Variants in SLC24A2 observed in about 807,000 individuals in gnomAD.
SLC24A2 encodes solute carrier family 24 member 2.
SLC24A2 carries 36 observed loss-of-function variants against 62.0 expected under a neutral mutation model. That is an observed-to-expected ratio of 0.58 (90% CI 0.44 to 0.77). SLC24A2 has a LOEUF of 0.77. Ranked by LOEUF, SLC24A2 falls within the 30% of genes least tolerant of loss-of-function variation. The pLI, the probability that SLC24A2 is intolerant of heterozygous loss-of-function variation, is 0.00. For missense variants in SLC24A2, 846 were observed against 817.9 expected (o/e 1.03, Z -0.42); for synonymous variants, 358 against 294.0 (o/e 1.22, Z -2.23).
At chr9:19,684,425 G>C (rs149654019) in intron 2 of SLC24A2, among the ~76,000 whole-genome samples, 1 of 152,130 alleles carries the variant, frequency 6.6e-6, no homozygotes, top group East Asian at 1.9e-4. Flanking sequence ...ACTAGTTTCC[G>C]TGATGATCAA....
the SLC24A2 span, among the ~76,000 whole-genome samples, chr9:19,958,375 C>T: frequency 6.6e-6 from 1 of 152,202 alleles, no homozygotes; most frequent in Non-Finnish European, 1.5e-5. Flanking sequence ...AGCAAGGCTT[C>T]CCTGGTAAAG....
chr9:19,702,732 A>G (rs556587813), intron 2 of SLC24A2, among the ~76,000 whole-genome samples: 126 of 152,288 alleles, frequency 8.3e-4, no homozygotes, highest in African/African-American at 2.8e-3. Context: ...TTTACGTGGT[A>G]CTAACTACCA....
chr9:20,305,085 C>A, the SLC24A2 span, among the ~76,000 whole-genome samples: 2 of 150,184 alleles, frequency 1.3e-5, no homozygotes. Flanking sequence ...TTAAAGAAAG[C>A]GGATTCTACC....
At chr9:20,011,284 T>A in the SLC24A2 span, among the ~76,000 whole-genome samples, 1 of 152,264 alleles carries the variant, frequency 6.6e-6, no homozygotes, top group Admixed American at 6.5e-5. Flanking sequence ...GTTTCCTGAT[T>A]TTTTAATGAT....
At chr9:19,709,852 T>C (rs1820661669) in intron 2 of SLC24A2, among the ~76,000 whole-genome samples, 1 of 151,802 alleles carries the variant, frequency 6.6e-6, no homozygotes, top group South Asian at 2.1e-4. Flanking sequence ...TATACATATG[T>C]AACTAACCTG....
intron 1 of SLC24A2, among the ~76,000 whole-genome samples, chr9:19,788,002 C>T (rs1049311796): frequency 6.6e-6 from 1 of 152,242 alleles, no homozygotes; most frequent in Non-Finnish European, 1.5e-5. Context: ...AGCTGATATT[C>T]TGAAGAGTTC....
chr9:19,619,226 C>T (rs1268388058), intron 4 of SLC24A2, among the ~76,000 whole-genome samples: 3 of 152,198 alleles, frequency 2.0e-5, no homozygotes, highest in Non-Finnish European at 4.4e-5. Flanking sequence ...TATCTTCACA[C>T]ACAATTTTGT....
At chr9:20,230,228 T>C in the SLC24A2 span, among the ~76,000 whole-genome samples, 1 of 152,194 alleles carries the variant, frequency 6.6e-6, no homozygotes, top group Non-Finnish European at 1.5e-5. Context: ...CCATGTTTTA[T>C]AATCCTTTGG....
the SLC24A2 span, among the ~76,000 whole-genome samples, chr9:19,814,085 G>A: frequency 6.6e-6 from 1 of 151,956 alleles, no homozygotes. Context: ...TTATATTTTT[G>A]TTTAGCTTTT....
At chr9:20,007,697 C>G in the SLC24A2 span, among the ~76,000 whole-genome samples, 1 of 151,824 alleles carries the variant, frequency 6.6e-6, no homozygotes, top group Non-Finnish European at 1.5e-5. Context: ...TGGGCATATT[C>G]CATTAGTTTC....
At chr9:20,272,624 T>A in the SLC24A2 span, among the ~76,000 whole-genome samples, 4 of 152,210 alleles carry the variant, frequency 2.6e-5, no homozygotes, top group East Asian at 5.8e-4. Flanking sequence ...AACTCTCATA[T>A]AAACATACAA....
At chr9:20,079,205 G>T in the SLC24A2 span, among the ~76,000 whole-genome samples, 1 of 152,184 alleles carries the variant, frequency 6.6e-6, no homozygotes, top group African/African-American at 2.4e-5. Context: ...GGAGGGATGA[G>T]AGCCCTGCTA....
intron 2 of SLC24A2, among the ~76,000 whole-genome samples, chr9:19,698,862 A>G (rs1394931522): frequency 1.3e-5 from 2 of 152,182 alleles, no homozygotes; most frequent in Non-Finnish European, 2.9e-5. Context: ...TTTGCTCACA[A>G]AGTATGGCAT....
chr9:19,953,779 A>T, the SLC24A2 span, among the ~76,000 whole-genome samples: 1 of 152,090 alleles, frequency 6.6e-6, no homozygotes, highest in African/African-American at 2.4e-5. Context: ...TTGGACTCAC[A>T]TACTGCCTAT....
the SLC24A2 span, among the ~76,000 whole-genome samples, chr9:20,254,384 G>C: frequency 2.0e-5 from 3 of 152,166 alleles, no homozygotes; most frequent in Non-Finnish European, 4.4e-5. Context: ...CTCTGTGCTA[G>C]GAGCTGGGTA....
the SLC24A2 span, among the ~76,000 whole-genome samples, chr9:19,905,078 C>T: frequency 6.6e-6 from 1 of 152,076 alleles, no homozygotes; most frequent in Non-Finnish European, 1.5e-5. Flanking sequence ...CTTTTACTCT[C>T]AATTAATAGA....
chr9:19,629,675 C>T (rs1336060214), intron 2 of SLC24A2, among the ~76,000 whole-genome samples: 2 of 152,130 alleles, frequency 1.3e-5, no homozygotes, highest in African/African-American at 4.8e-5. Flanking sequence ...AAAAAAGGGC[C>T]CCCCTGGTGG....
chr9:20,266,492 G>A, the SLC24A2 span, among the ~76,000 whole-genome samples: 2 of 151,756 alleles, frequency 1.3e-5, no homozygotes, highest in Admixed American at 6.6e-5. Context: ...CTTAGACCAC[G>A]AAAAGCCCTT....
At chr9:20,119,491 A>G in the SLC24A2 span, among the ~76,000 whole-genome samples, 8 of 152,206 alleles carry the variant, frequency 5.3e-5, no homozygotes, top group African/African-American at 1.9e-4. Context: ...CATTGGTAGA[A>G]AAAAAGGAGG....
Sources: allele counts gnomAD v4.1 joint callset (sites outside exome capture counted in the v4.1 genomes callset), GRCh38; gene constraint gnomAD v4.1.1; transcripts MANE v1.5; gene names NCBI Gene and HGNC (gene_info 2026-07-23, HGNC 2026-07-21).